The following GRIN2B variants were observed in gnomAD, a reference collection of about 807,000 sequenced individuals.
GRIN2B encodes the protein glutamate receptor ionotropic, NMDA 2B.
In GRIN2B, 5 loss-of-function variants were observed where a neutral mutation model predicts 114.5. The ratio of observed to expected loss-of-function variants is 0.04; its 90% confidence interval spans 0.02 to 0.09. The LOEUF is 0.09. Among genes scored for constraint, GRIN2B ranks in the 10% least tolerant of loss-of-function variants. The probability of loss-of-function intolerance (pLI) is 1.00; values close to 1 mark genes in which losing one functional copy is unlikely to be tolerated. For missense variants in GRIN2B, 1,108 were observed against 1,943.5 expected (o/e 0.57, Z 8.08); for synonymous variants, 787 against 745.1 (o/e 1.06, Z -0.92).
At position 13,563,207 on chromosome 12, in the gene GRIN2B, G is replaced by A. The variant is rs759438353; in HGVS notation, c.4031C>T (p.Ala1344Val). The change falls in exon 14 of 14, where the codon GCT (alanine) becomes GTT (valine). Residue 1344 changes from alanine (A) to valine (V), a missense_variant. This residue lies in a region of GRIN2B where 478 missense variants were observed against 506.0 expected (regional missense o/e 0.94). Coordinates refer to ENST00000609686, the MANE Select transcript of GRIN2B (RefSeq NM_000834.5). Reference protein sequence around the residue: ...SPYAHMFEMSAGESTFANNKS... With the variant: ...SPYAHMFEMSVGESTFANNKS... ...GTTGTTGGCAAAGGTGCTCTCGCCA[G>A]CTGACATCTCAAACATGTGGGCGTA... The A allele has an allele frequency of 2.5e-6, 4 of 1,614,244 alleles. No individual in the cohort carries two copies. The Admixed American group carries it at 5.0e-5, about 20-fold the overall frequency.
At chr12:13,801,624 G>T (rs181775546) in intron 3 of GRIN2B, among the ~76,000 whole-genome samples, 1 of 152,214 alleles carries the variant, frequency 6.6e-6, no homozygotes, top group East Asian at 1.9e-4. Context: ...ATACTCCAAA[G>T]AATTCCTTCC....
chr12:13,946,469 T>C (rs1383233282), intron 2 of GRIN2B, among the ~76,000 whole-genome samples: 1 of 152,072 alleles, frequency 6.6e-6, no homozygotes, highest in African/African-American at 2.4e-5. Context: ...CAAAATTTTA[T>C]TGTAATGTAA....
intron 2 of GRIN2B, among the ~76,000 whole-genome samples, chr12:13,908,623 T>C (rs1224272208): frequency 6.6e-6 from 1 of 152,200 alleles, no homozygotes; most frequent in Non-Finnish European, 1.5e-5. Flanking sequence ...TGTCTCCCTC[T>C]ACCTTGCACC....
intron 3 of GRIN2B, among the ~76,000 whole-genome samples, chr12:13,823,587 G>T (rs903042681): frequency 6.6e-6 from 1 of 152,134 alleles, no homozygotes; most frequent in African/African-American, 2.4e-5. Flanking sequence ...TGCATAGAAA[G>T]TCATGTCATT....
At chr12:13,728,976 T>G (rs1863038656) in intron 4 of GRIN2B, among the ~76,000 whole-genome samples, 1 of 152,106 alleles carries the variant, frequency 6.6e-6, no homozygotes. Flanking sequence ...TCAGCACCCA[T>G]CAGTAAAACT....
chr12:13,786,067 T>G (rs1000663104), intron 3 of GRIN2B, among the ~76,000 whole-genome samples: 2 of 152,226 alleles, frequency 1.3e-5, no homozygotes, highest in African/African-American at 4.8e-5. Context: ...GCTAATTTTC[T>G]GCTGCCCAGG....
chr12:13,764,390 C>T (rs184545871), intron 3 of GRIN2B, among the ~76,000 whole-genome samples: 7 of 152,244 alleles, frequency 4.6e-5, no homozygotes, highest in Admixed American at 2.0e-4. Context: ...CCTTCTTTGC[C>T]TCCATTTTTA....
chr12:13,587,337 T>G (rs1948941454), intron 10 of GRIN2B, among the ~76,000 whole-genome samples: 1 of 150,914 alleles, frequency 6.6e-6, no homozygotes, highest in Non-Finnish European at 1.5e-5. Flanking sequence ...TTCTTTTCTT[T>G]TTATTTCTTT....
At chr12:13,813,159 C>T (rs955531201) in intron 3 of GRIN2B, among the ~76,000 whole-genome samples, 3 of 151,896 alleles carry the variant, frequency 2.0e-5, no homozygotes, top group African/African-American at 4.8e-5. Context: ...AGGCTGGTCT[C>T]GAACTCCTGA....
At chr12:13,761,540 G>A (rs1044915660) in intron 3 of GRIN2B, among the ~76,000 whole-genome samples, 22 of 152,316 alleles carry the variant, frequency 1.4e-4, no homozygotes, top group Non-Finnish European at 3.2e-4. Flanking sequence ...AGGTCCTGGA[G>A]GATAGTAAGA....
Position 13,710,332 on chromosome 12 carries a change from C to T in GRIN2B, c.1011-34473G>A, listed in dbSNP as rs186454664. Among the ~76,000 whole-genome samples the T allele has an allele frequency of 1.3e-4, 20 of 152,148 alleles. No individual in the cohort carries two copies. The East Asian group carries it at 3.1e-3, about 24-fold the overall frequency. On this transcript the variant is annotated intron_variant, in intron 4 of 13. Transcript: ENST00000609686. Reference sequence around the variant, plus strand: ...GAAAACTGGTACAAGACAGGGATACCCTCTCTCACCGCTCCTATTCAACAT... The same window carrying T: ...GAAAACTGGTACAAGACAGGGATACTCTCTCTCACCGCTCCTATTCAACAT...
intron 2 of GRIN2B, among the ~76,000 whole-genome samples, chr12:13,874,228 C>T (rs1456812198): frequency 6.6e-6 from 1 of 152,206 alleles, no homozygotes; most frequent in Non-Finnish European, 1.5e-5. Flanking sequence ...GTCACCTGGG[C>T]TCCTTCTTGT....
At position 13,538,293 on chromosome 12, in the gene GRIN2B, AG is replaced by A. The variant is rs1405094448; in HGVS notation, c.*24489del. 6.6e-6 allele frequency: 1 copy of A among 152,276 alleles called. No homozygotes were observed. Among genetic ancestry groups the A allele is most frequent in the Non-Finnish European group, 1.5e-5 (1 of 68,090 alleles). The allele number at this position is 152,276 out of a possible 1,614,324, so 9.4% of individuals were successfully genotyped here. ...ACTTCAGGGTGGCACAAGGGCATGT[AG>A]GACACAGGTGCTCTGAGCTAATCCA... is the stretch of plus-strand genomic sequence containing the variant. On this transcript the variant is annotated 3_prime_UTR_variant, in exon 14 of 14. Coordinates refer to ENST00000609686, the MANE Select transcript of GRIN2B (RefSeq NM_000834.5).
At chr12:13,895,504 G>C (rs903732409) in intron 2 of GRIN2B, among the ~76,000 whole-genome samples, 1 of 152,138 alleles carries the variant, frequency 6.6e-6, no homozygotes, top group Non-Finnish European at 1.5e-5. Context: ...ACTGAAAGTA[G>C]AGGCTAAAGC....
intron 4 of GRIN2B, among the ~76,000 whole-genome samples, chr12:13,705,329 T>G (rs1481085330): frequency 1.3e-5 from 2 of 152,184 alleles, no homozygotes; most frequent in Non-Finnish European, 2.9e-5. Context: ...TCAAATTCTC[T>G]GGACAAGGCA....
chr12:13,584,386 A>G (rs1227390104), intron 10 of GRIN2B, among the ~76,000 whole-genome samples: 1 of 152,242 alleles, frequency 6.6e-6, no homozygotes, highest in Non-Finnish European at 1.5e-5. Context: ...TGCCTAGAAA[A>G]GCATCCAACA....
intron 2 of GRIN2B, among the ~76,000 whole-genome samples, chr12:13,950,137 G>A (rs1272903696): frequency 2.0e-5 from 3 of 152,148 alleles, no homozygotes; most frequent in Non-Finnish European, 2.9e-5. Context: ...GGTTTTATAC[G>A]CAGAGGGAAA....
intron 4 of GRIN2B, among the ~76,000 whole-genome samples, chr12:13,750,603 G>C (rs1863467183): frequency 6.6e-6 from 1 of 152,174 alleles, no homozygotes. Context: ...AAAATAATCT[G>C]AATCAGATTT....
At chr12:13,801,954 C>T (rs1247339427) in intron 3 of GRIN2B, among the ~76,000 whole-genome samples, 1 of 152,028 alleles carries the variant, frequency 6.6e-6, no homozygotes, top group East Asian at 1.9e-4. Flanking sequence ...GGGACACTTA[C>T]CTTGGTTCAA....
Sources: gnomAD v4.1 joint callset for allele counts (sites outside exome capture counted in the v4.1 genomes callset) on GRCh38, gnomAD v4.1.1 for gene constraint, gnomAD v4.1.1 regional missense constraint, MANE v1.5 for transcripts, NCBI Gene and HGNC (gene_info 2026-07-23, HGNC 2026-07-21) for gene names.